Variants in SRGAP2 observed in about 807,000 individuals in gnomAD.
The protein encoded by SRGAP2 is SLIT-ROBO Rho GTPase-activating protein 2.
SRGAP2 carries 15 observed loss-of-function variants against 57.2 expected under a neutral mutation model. The observed-to-expected ratio is 0.26, with a 90% CI of 0.18 to 0.40. The LOEUF is 0.40. Ranked by LOEUF, SRGAP2 falls within the 10% of genes least tolerant of loss-of-function variation. The pLI, the probability that SRGAP2 is intolerant of heterozygous loss-of-function variation, is 1.00. For synonymous variants in SRGAP2, 249 were observed against 248.0 expected, an observed-to-expected ratio of 1.00 and a Z score of -0.04; for missense variants, 520 against 669.6, an observed-to-expected ratio of 0.78 and a Z score of 2.47.
chr1:206,278,549 C>G (rs1164493093), intron 2 of SRGAP2, among the ~76,000 whole-genome samples: 8 of 143,610 alleles, frequency 5.6e-5, no homozygotes, highest in Non-Finnish European at 9.0e-5. Flanking sequence ...TTTTTAGAGA[C>G]AGGGTCTCAT....
chr1:206,461,361 A>G lies in SRGAP2; in HGVS notation c.3157A>G (p.Ser1053Gly), dbSNP rs2103426358. Residue 1053 changes from serine to glycine, a missense_variant, in exon 23 of 23, where the codon AGC (serine) becomes GGC (glycine). Around this residue, in one of 5 missense-constraint regions of SRGAP2, gnomAD observed 478 missense variants for 373.6 expected, o/e 1.28. Transcript: ENST00000573034. ...PTVFPKTNAT[S>G]PGVNSSTSPQ... The stretch of plus-strand genomic sequence containing the variant: ...TGTCTTCCCCAAAACAAATGCCACT[A>G]GCCCTGGTGTCAACTCATCAACTTC... The G allele has an allele frequency of 2.6e-6, 2 of 780,888 alleles. No homozygotes were observed. Among genetic ancestry groups the G allele is most frequent in the East Asian group, 2.4e-5 (1 of 41,264 alleles). The allele number at this position is 780,888 out of a possible 1,614,324, so 48.4% of individuals were successfully genotyped here. A position where few individuals can be genotyped will look rare whatever the true frequency, so the allele number is the denominator to read the frequency against.
chr1:206,256,375 T>A (rs1299068381), intron 2 of SRGAP2, among the ~76,000 whole-genome samples: 1 of 152,108 alleles, frequency 6.6e-6, no homozygotes, highest in East Asian at 1.9e-4. Context: ...AGGTGAAATC[T>A]CTTTGGCCTT....
At chr1:206,460,927 TG>T in intron 22 of SRGAP2, 109 bp from the exon 23 acceptor site, 1 of 581,108 alleles carries the variant, frequency 1.7e-6, no homozygotes, top group Non-Finnish European at 3.1e-6. Flanking sequence ...TACAATAATC[TG>T]GACATCTTAC....
rs201863883 is a variant in SRGAP2 at position 206,393,583 on chromosome 1, C to T, written c.741C>T (p.Ile247=). 1.3e-6 allele frequency: 1 copy of T among 778,784 alleles called. No individual in the cohort carries two copies. The allele number at this position is 778,784 out of a possible 1,614,324, so 48.2% of individuals were successfully genotyped here. A position where few individuals can be genotyped will look rare whatever the true frequency, so the allele number is the denominator to read the frequency against. Reference sequence around the variant, plus strand: ...ACACGGAGAATAAGCTGAAGGCCATCAAAGCCCGGAATGAGTACTTGCTGG... The same window carrying T: ...ACACGGAGAATAAGCTGAAGGCCATTAAAGCCCGGAATGAGTACTTGCTGG... ...AKYTENKLKA[I]KARNEYLLAL... Residue 247 remains isoleucine, a synonymous_variant, in exon 7 of 23, where the codon ATC becomes ATT. Transcript: ENST00000573034.
At position 206,461,238 on chromosome 1, in the gene SRGAP2, G is replaced by A. The variant is rs782463648; in HGVS notation, c.3034G>A (p.Ala1012Thr). ...CCCCGAGCCCGCCTTCCAGCGCAGC[G>A]CCAGTACTGCTGGGGACATCGCCTG... ...KDPEPAFQRSASTAGDIACAF... is the reference protein window; with the variant it reads ...KDPEPAFQRSTSTAGDIACAF... Residue 1012 changes from alanine to threonine, a missense_variant, in exon 23 of 23, where the codon GCC (alanine) becomes ACC (threonine). Coordinates refer to ENST00000573034, the MANE Select transcript of SRGAP2 (RefSeq NM_015326.5). The A allele has an allele frequency of 2.6e-6, 2 of 780,640 alleles. No individual in the cohort carries two copies. Among genetic ancestry groups the A allele is most frequent in the African/African-American group, 1.7e-5 (1 of 59,110 alleles). 48.4% of individuals were successfully genotyped at this position (780,640 alleles called of 1,614,324 possible).
chr1:206,415,642 A>G (rs572321704), intron 10 of SRGAP2, among the ~76,000 whole-genome samples: 18 of 152,332 alleles, frequency 1.2e-4, no homozygotes, highest in African/African-American at 4.1e-4. Context: ...GGGCTCTAGG[A>G]AACAATTTCT....
intron 13 of SRGAP2, among the ~76,000 whole-genome samples, chr1:206,423,629 G>A (rs1438092440): frequency 6.6e-6 from 1 of 152,072 alleles, no homozygotes; most frequent in African/African-American, 2.4e-5. Context: ...CATATAATCT[G>A]TTGTCAAGAT....
intron 3 of SRGAP2, among the ~76,000 whole-genome samples, chr1:206,327,327 CAAAA>C (rs1553330360): frequency 2.3e-5 from 2 of 87,740 alleles, no homozygotes; most frequent in Admixed American, 1.2e-4. Flanking sequence ...AACTCCGTCT[CAAAA>C]AAAAAAAAAA....
chr1:206,303,982 A>C (rs1350478569), intron 3 of SRGAP2, among the ~76,000 whole-genome samples: 5 of 152,108 alleles, frequency 3.3e-5, no homozygotes, highest in African/African-American at 1.2e-4. Context: ...GTCTGGCTGC[A>C]GGGTCTATAT....
chr1:206,244,944 G>T (rs1373978616), intron 2 of SRGAP2, among the ~76,000 whole-genome samples: 2 of 149,772 alleles, frequency 1.3e-5, no homozygotes, highest in African/African-American at 2.5e-5. Flanking sequence ...TGTTAACTTG[G>T]TGAACAGCAT....
At chr1:206,446,581 G>A (rs1186042858) in intron 18 of SRGAP2, among the ~76,000 whole-genome samples, 5 of 152,192 alleles carry the variant, frequency 3.3e-5, no homozygotes, top group Non-Finnish European at 5.9e-5. Context: ...TCTAAGAAAG[G>A]ACTTTTTATA....
intron 13 of SRGAP2, among the ~76,000 whole-genome samples, chr1:206,421,885 CATGGATAATCCACATCA>C (rs1199908769): frequency 6.6e-6 from 1 of 152,182 alleles, no homozygotes. Flanking sequence ...AGAGCAGTGG[CATGGATAATCCACATCA>C]ATGGATAATC....
At chr1:206,408,780 A>G (rs1658918941) in intron 10 of SRGAP2, among the ~76,000 whole-genome samples, 1 of 150,596 alleles carries the variant, frequency 6.6e-6, no homozygotes, top group African/African-American at 2.5e-5. Flanking sequence ...CCATATTCAA[A>G]CTGGTAACCT....
intron 2 of SRGAP2, among the ~76,000 whole-genome samples, chr1:206,225,889 G>A (rs1374295775): frequency 3.9e-5 from 6 of 152,132 alleles, no homozygotes; most frequent in Admixed American, 6.5e-5. Context: ...ATGAGGGTCA[G>A]CTGGGAATGA....
chr1:206,278,419 G>A (rs1407016497), intron 2 of SRGAP2, among the ~76,000 whole-genome samples: 1 of 138,560 alleles, frequency 7.2e-6, no homozygotes, highest in Non-Finnish European at 1.5e-5. Context: ...CACCATGATA[G>A]CTCATTGCAG....
chr1:206,439,729 C>T lies in SRGAP2; in HGVS notation c.1769-247C>T, dbSNP rs147176166. On this transcript the variant is annotated intron_variant, in intron 16 of 22. Coordinates refer to ENST00000573034, the MANE Select transcript of SRGAP2 (RefSeq NM_015326.5). ...TTTGGATTTGGATTTGGCACAGTTC[C>T]CTGTGCCCAAGAAGTATACACCTTA... 1.5e-3 allele frequency among the ~76,000 whole-genome samples: 229 copies of T among 152,108 alleles called. 1 individual carries two copies. Among genetic ancestry groups the T allele is most frequent in the African/African-American group, 5.3e-3 (220 of 41,460 alleles).
intron 3 of SRGAP2, among the ~76,000 whole-genome samples, chr1:206,307,679 C>T (rs1426182634): frequency 3.3e-5 from 5 of 152,224 alleles, no homozygotes; most frequent in Admixed American, 2.6e-4. Context: ...GTACACCCTC[C>T]GCAGCCACTG....
intron 12 of SRGAP2, among the ~76,000 whole-genome samples, chr1:206,420,997 G>A (rs574142698): frequency 7.2e-5 from 11 of 152,236 alleles, no homozygotes; most frequent in East Asian, 1.9e-4. Context: ...AAGCAGGGAC[G>A]TCTGTGCTTT....
chr1:206,394,718 C>T (rs1345285664), intron 7 of SRGAP2, among the ~76,000 whole-genome samples: 6 of 151,800 alleles, frequency 4.0e-5, no homozygotes, highest in African/African-American at 7.3e-5. Context: ...GGGGCAAGCG[C>T]AGGGATAAGC....
Sources: allele counts gnomAD v4.1 joint callset (sites outside exome capture counted in the v4.1 genomes callset), GRCh38; gene constraint gnomAD v4.1.1; regional missense constraint gnomAD v4.1.1; transcripts MANE v1.5; gene names NCBI Gene and HGNC (gene_info 2026-07-23, HGNC 2026-07-21).